ABTB3: variants seen among roughly 807,000 people sequenced by gnomAD.
ABTB3 encodes ankyrin repeat- and BTB/POZ domain-containing protein 3.
the ABTB3 span, among the ~76,000 whole-genome samples, chr12:107,458,364 C>A: frequency 6.6e-6 from 1 of 152,168 alleles, no homozygotes; most frequent in Admixed American, 6.5e-5. Flanking sequence ...GGGATTGGAG[C>A]CCAGTCAGGA....
chr12:107,339,784 T>C, the ABTB3 span, among the ~76,000 whole-genome samples: 1 of 152,088 alleles, frequency 6.6e-6, no homozygotes, highest in African/African-American at 2.4e-5. Context: ...TGAGTGTGGG[T>C]TGAGTTTTGA....
chr12:107,528,310 C>T, the ABTB3 span, among the ~76,000 whole-genome samples: 1 of 152,114 alleles, frequency 6.6e-6, no homozygotes, highest in African/African-American at 2.4e-5. Flanking sequence ...TTTATGAGTA[C>T]TAGGACAATA....
chr12:107,443,628 A>G, the ABTB3 span, among the ~76,000 whole-genome samples: 1 of 152,180 alleles, frequency 6.6e-6, no homozygotes, highest in Non-Finnish European at 1.5e-5. Flanking sequence ...TAAAGTCTGG[A>G]TTGCAAAGAG....
At chr12:107,536,101 C>A in the ABTB3 span, among the ~76,000 whole-genome samples, 1 of 152,014 alleles carries the variant, frequency 6.6e-6, no homozygotes, top group South Asian at 2.1e-4. Flanking sequence ...TTCCAGCCAA[C>A]TGATTTTCAA....
chr12:107,398,484 G>A, the ABTB3 span, among the ~76,000 whole-genome samples: 6 of 152,352 alleles, frequency 3.9e-5, no homozygotes, highest in East Asian at 1.9e-4. Context: ...AGGCTTGCCC[G>A]TTGCTGGGGC....
the ABTB3 span, among the ~76,000 whole-genome samples, chr12:107,621,635 A>G: frequency 6.6e-6 from 1 of 152,202 alleles, no homozygotes; most frequent in African/African-American, 2.4e-5. Context: ...TACGATGCCA[A>G]ATGGATTTTC....
chr12:107,480,280 C>CAA, the ABTB3 span, among the ~76,000 whole-genome samples: 5 of 143,640 alleles, frequency 3.5e-5, no homozygotes, highest in East Asian at 1.0e-3. Flanking sequence ...TTGCATGACC[C>CAA]AAAAAAAAAA....
the ABTB3 span, among the ~76,000 whole-genome samples, chr12:107,564,931 A>G: frequency 2.0e-5 from 3 of 152,244 alleles, no homozygotes; most frequent in African/African-American, 4.8e-5. Flanking sequence ...ATCTCCACAG[A>G]GTCCATACCC....
chr12:107,393,756 C>T, the ABTB3 span, among the ~76,000 whole-genome samples: 1 of 152,018 alleles, frequency 6.6e-6, no homozygotes. Context: ...CGGTGAAACC[C>T]CAACTCTACA....
chr12:107,472,458 C>G, the ABTB3 span, among the ~76,000 whole-genome samples: 1 of 152,250 alleles, frequency 6.6e-6, no homozygotes, highest in South Asian at 2.1e-4. Context: ...GGGCCAGACT[C>G]CTTTGGTTTG....
At chr12:107,486,400 A>G in the ABTB3 span, 2 of 152,186 alleles carry the variant, frequency 1.3e-5, no homozygotes, top group Non-Finnish European at 2.9e-5. Context: ...AGTAGTTGCT[A>G]CAAAGAGTAT....
At chr12:107,361,013 C>T in the ABTB3 span, among the ~76,000 whole-genome samples, 1 of 127,368 alleles carries the variant, frequency 7.9e-6, no homozygotes. Flanking sequence ...CTCAAAAGAT[C>T]CTCTTGCCTT....
the ABTB3 span, among the ~76,000 whole-genome samples, chr12:107,503,772 A>AAAG: frequency 1.8e-4 from 26 of 148,110 alleles, 1 homozygote; most frequent in African/African-American, 2.3e-4. Context: ...AAAAAAAAAA[A>AAAG]AAGAAGAAGA....
the ABTB3 span, among the ~76,000 whole-genome samples, chr12:107,334,334 G>A: frequency 6.6e-6 from 1 of 152,182 alleles, no homozygotes; most frequent in Non-Finnish European, 1.5e-5. Context: ...AGGTGGGCTA[G>A]GAAGAGGCTT....
chr12:107,619,738 C>G, the ABTB3 span, among the ~76,000 whole-genome samples: 1 of 152,182 alleles, frequency 6.6e-6, no homozygotes, highest in African/African-American at 2.4e-5. Flanking sequence ...GAGCAGCATA[C>G]AGAGATGGAC....
At chr12:107,616,846 TC>T in the ABTB3 span, among the ~76,000 whole-genome samples, 1 of 152,184 alleles carries the variant, frequency 6.6e-6, no homozygotes, top group Non-Finnish European at 1.5e-5. Context: ...AGTCACCATT[TC>T]CCACAAGCTC....
chr12:107,501,017 C>A, the ABTB3 span, among the ~76,000 whole-genome samples: 2 of 152,196 alleles, frequency 1.3e-5, no homozygotes, highest in East Asian at 3.8e-4. Context: ...ATTGCCGGCT[C>A]TGTGACCTTG....
the ABTB3 span, among the ~76,000 whole-genome samples, chr12:107,422,177 G>A: frequency 3.3e-5 from 5 of 152,096 alleles, no homozygotes; most frequent in East Asian, 5.8e-4. Context: ...CTGGGGGAGA[G>A]GAATCTAGAT....
At chr12:107,513,444 G>A in the ABTB3 span, among the ~76,000 whole-genome samples, 1 of 152,152 alleles carries the variant, frequency 6.6e-6, no homozygotes, top group Non-Finnish European at 1.5e-5. Context: ...AGATCTGATG[G>A]TTTTGTAAAT....
Sources: gnomAD v4.1 joint callset for allele counts (sites outside exome capture counted in the v4.1 genomes callset) on GRCh38, gnomAD v4.1.1 for gene constraint, MANE v1.5 for transcripts, NCBI Gene and HGNC (gene_info 2026-07-23, HGNC 2026-07-21) for gene names.